Variants in NTRK3 observed in about 807,000 individuals in gnomAD.
The protein encoded by NTRK3 is neurotrophic receptor tyrosine kinase 3, also known as NT-3 growth factor receptor.
In NTRK3, 24 loss-of-function variants were observed where a neutral mutation model predicts 91.7. The ratio of observed to expected loss-of-function variants is 0.26; its 90% CI spans 0.19 to 0.37. The LOEUF is 0.37. Ranked by LOEUF, NTRK3 falls within the 10% of genes least tolerant of loss-of-function variation. NTRK3 has a pLI of 1.00. For missense variants in NTRK3, 880 were observed against 1,068.9 expected (o/e 0.82, Z 2.46); for synonymous variants, 483 against 404.0 (o/e 1.20, Z -2.34).
chr15:88,079,562 T>C (rs1401138019), intron 13 of NTRK3, among the ~76,000 whole-genome samples: 1 of 152,202 alleles, frequency 6.6e-6, no homozygotes, highest in African/African-American at 2.4e-5. Context: ...AGCCAGCTGA[T>C]AGGGGTTGAT....
At chr15:87,940,751 C>T (rs1210999235) in exon 15 of NTRK3, 1 of 1,614,026 alleles carries the variant, frequency 6.2e-7, no homozygotes, top group Non-Finnish European at 8.5e-7. Context: ...ATGTGCTGCA[C>T]ATCTGTAGGA....
intron 13 of NTRK3, among the ~76,000 whole-genome samples, chr15:88,056,401 T>G (rs972659491): frequency 6.6e-6 from 1 of 152,050 alleles, no homozygotes; most frequent in African/African-American, 2.4e-5. Context: ...TATTTTTTTG[T>G]TCATGGTCCA....
At chr15:87,961,380 G>A (rs527842207) in intron 14 of NTRK3, among the ~76,000 whole-genome samples, 1 of 152,350 alleles carries the variant, frequency 6.6e-6, no homozygotes, top group South Asian at 2.1e-4. Context: ...AAAAACTCAA[G>A]CTAGCTATGT....
chr15:88,248,581 T>C (rs2053064699), intron 3 of NTRK3, among the ~76,000 whole-genome samples: 1 of 152,180 alleles, frequency 6.6e-6, no homozygotes, highest in Non-Finnish European at 1.5e-5. Flanking sequence ...CATAAGAGTA[T>C]TGCAAAAGAG....
intron 3 of NTRK3, among the ~76,000 whole-genome samples, chr15:88,209,672 C>T (rs1484293242): frequency 6.6e-6 from 1 of 152,186 alleles, no homozygotes; most frequent in Non-Finnish European, 1.5e-5. Context: ...AGGGACTGCC[C>T]AGCAGAAGCT....
chr15:88,190,001 G>T (rs2047262171), intron 3 of NTRK3, among the ~76,000 whole-genome samples: 2 of 152,158 alleles, frequency 1.3e-5, no homozygotes, highest in African/African-American at 4.8e-5. Flanking sequence ...AACCCCAGAG[G>T]ACTAAGGTGA....
At chr15:88,027,460 G>A (rs1352091825) in intron 14 of NTRK3, among the ~76,000 whole-genome samples, 2 of 152,156 alleles carry the variant, frequency 1.3e-5, no homozygotes, top group Non-Finnish European at 2.9e-5. Context: ...TCGGCTCACT[G>A]CAAGCTCCGC....
exon 10 of NTRK3, chr15:88,135,303 G>C (rs764157497): frequency 1.2e-6 from 2 of 1,614,236 alleles, no homozygotes; most frequent in South Asian, 2.2e-5. Flanking sequence ...TGTGCAGCCA[G>C]TGCAGCGTTG....
intron 3 of NTRK3, among the ~76,000 whole-genome samples, chr15:88,189,734 A>G (rs1241344940): frequency 6.6e-6 from 1 of 152,052 alleles, no homozygotes; most frequent in African/African-American, 2.4e-5. Context: ...GTGAGCCACC[A>G]TTGCCAACCA....
In NTRK3 at chr15:88,160,849, T is replaced by C. The variant is rs577766926; in HGVS notation, c.396-13446A>G. ...TTTGGAAAAGCATTTAGGGGAGAGG[T>C]AGGCAATGGTTTTCGAAGATGGGCT... On this transcript the variant is annotated intron_variant, in intron 5 of 18. Transcript: ENST00000394480. Among the ~76,000 whole-genome samples, 20 of 152,076 alleles carry C rather than the reference T, an allele frequency of 1.3e-4. 1 individual carries two copies. Among genetic ancestry groups the C allele is most frequent in the African/African-American group, 4.8e-4 (20 of 41,484 alleles).
At chr15:87,996,802 G>C (rs2075737975) in intron 14 of NTRK3, among the ~76,000 whole-genome samples, 1 of 152,178 alleles carries the variant, frequency 6.6e-6, no homozygotes, top group African/African-American at 2.4e-5. Context: ...ACTCAGTTTA[G>C]AGCCACTTTA....
At chr15:88,053,932 C>T (rs1429359149) in intron 13 of NTRK3, among the ~76,000 whole-genome samples, 2 of 152,162 alleles carry the variant, frequency 1.3e-5, no homozygotes, top group Non-Finnish European at 2.9e-5. Flanking sequence ...AAAAAAGGTA[C>T]TGATTAATAT....
chr15:88,059,799 G>C (rs2046045415), intron 13 of NTRK3, among the ~76,000 whole-genome samples: 1 of 152,146 alleles, frequency 6.6e-6, no homozygotes. Flanking sequence ...TTGGAGAAAA[G>C]GTCTTTAAGG....
chr15:88,045,784 G>C (rs548363994), intron 13 of NTRK3, among the ~76,000 whole-genome samples: 1 of 152,286 alleles, frequency 6.6e-6, no homozygotes, highest in South Asian at 2.1e-4. Flanking sequence ...TCTGACCTCT[G>C]TCATCATGTA....
At chr15:87,897,076 G>A (rs1168012597) in intron 17 of NTRK3, among the ~76,000 whole-genome samples, 1 of 152,158 alleles carries the variant, frequency 6.6e-6, no homozygotes, top group East Asian at 1.9e-4. Flanking sequence ...GGCTGTCTCA[G>A]TCTGAGCCTC....
chr15:88,018,032 A>G (rs2141852839), intron 14 of NTRK3, among the ~76,000 whole-genome samples: 1 of 152,306 alleles, frequency 6.6e-6, no homozygotes, highest in Middle Eastern at 3.4e-3. Context: ...AATCTGGGTG[A>G]CAAATCAAGC....
rs114748475 is a variant in NTRK3, at chr15:88,077,429, C to A, written c.1397-44384G>T. Among the ~76,000 whole-genome samples the A allele has an allele frequency of 4.6e-3, 707 of 152,206 alleles. 4 individuals are homozygous for A. Among genetic ancestry groups the A allele is most frequent in the African/African-American group, 0.016 (684 of 41,538 alleles). ...TCTGCCTTCCCAGCCCTGCCTCCCC[C>A]ACCCTCGCCCTCACCCCAGAGTTGT... On this transcript the variant is annotated intron_variant, in intron 13 of 18. Coordinates refer to ENST00000394480, the Ensembl canonical transcript of NTRK3.
At position 88,212,576 on chromosome 15, in the gene NTRK3, G is replaced by A. The variant is rs190531866; in HGVS notation, c.249-28277C>T. Among the ~76,000 whole-genome samples the A allele has an allele frequency of 1.6e-3, 238 of 152,146 alleles. 1 individual carries two copies. Among genetic ancestry groups the A allele is most frequent in the African/African-American group, 4.6e-3 (191 of 41,488 alleles). Reference sequence around the variant, plus strand: ...AGACACTTCTCTGTTGATGGACCTCGTTCCTACCCAAAAATACAGTAACTG... The same window carrying A: ...AGACACTTCTCTGTTGATGGACCTCATTCCTACCCAAAAATACAGTAACTG... On this transcript the variant is annotated intron_variant, in intron 3 of 18. Coordinates refer to ENST00000394480, the Ensembl canonical transcript of NTRK3.
intron 3 of NTRK3, among the ~76,000 whole-genome samples, chr15:88,206,292 G>C (rs141735281): frequency 0.034 from 5,029 of 147,588 alleles, 278 homozygotes; most frequent in African/African-American, 0.12. Flanking sequence ...CCTGCAGTGA[G>C]CCGAGATCGC....
Sources: gnomAD v4.1 joint callset for allele counts (sites outside exome capture counted in the v4.1 genomes callset) on GRCh38, gnomAD v4.1.1 for gene constraint, MANE v1.5 for transcripts, NCBI Gene and HGNC (gene_info 2026-07-23, HGNC 2026-07-21) for gene names.